ZNF143: variants seen among roughly 807,000 people sequenced by gnomAD.
The protein encoded by ZNF143 is SPH-binding factor.
A neutral mutation model predicts 74.1 loss-of-function variants in ZNF143; 49 were observed. That is an observed-to-expected ratio of 0.66 (90% CI 0.53 to 0.84). The LOEUF is 0.84. Among genes scored for constraint, ZNF143 ranks in the 40% least tolerant of loss-of-function variants. The pLI is 0.00. For missense variants in ZNF143, 637 were observed against 793.4 expected (o/e 0.80, Z 2.37); for synonymous variants, 304 against 282.8 (o/e 1.07, Z -0.75).
intron 10 of ZNF143, among the ~76,000 whole-genome samples, chr11:9,500,582 C>T (rs1456756288): frequency 1.3e-5 from 2 of 151,900 alleles, no homozygotes; most frequent in African/African-American, 2.4e-5. Context: ...TACAGGCGCC[C>T]GGCACCATGC....
intron 1 of ZNF143, among the ~76,000 whole-genome samples, chr11:9,465,559 G>A (rs190832085): frequency 1.4e-3 from 215 of 151,750 alleles, no homozygotes; most frequent in African/African-American, 4.6e-3. Flanking sequence ...GAGTGCAGTG[G>A]CGTGATCTCG....
chr11:9,496,642 G>A (rs1847968087), intron 9 of ZNF143, among the ~76,000 whole-genome samples: 1 of 151,544 alleles, frequency 6.6e-6, no homozygotes, highest in Non-Finnish European at 1.5e-5. Context: ...TGTCACTCAG[G>A]TTTGGGTGCA....
chr11:9,486,576 C>T (rs1319523967), intron 7 of ZNF143, among the ~76,000 whole-genome samples: 2 of 139,186 alleles, frequency 1.4e-5, no homozygotes, highest in African/African-American at 5.6e-5. Context: ...GTGTGTTTTA[C>T]ACAGTAGAAT....
intron 13 of ZNF143, among the ~76,000 whole-genome samples, chr11:9,515,887 A>T (rs193124243): frequency 6.6e-6 from 1 of 151,872 alleles, no homozygotes; most frequent in East Asian, 1.9e-4. Context: ...TAAGAGGATG[A>T]GGCTAGAGGA....
chr11:9,486,355 T>TATATATA lies in ZNF143; in HGVS notation c.645+6810_645+6816dup, dbSNP rs1251310663. On this transcript the variant is annotated intron_variant, in intron 7 of 15. Transcript: ENST00000396602. ...CGCTAATTATATTATATATATATTA[T>TATATATA]ATATATATTATATATAATATATTAT... 6.0e-4 allele frequency among the ~76,000 whole-genome samples: 31 copies of TATATATA among 52,086 alleles called. 3 individuals are homozygous for TATATATA. Among genetic ancestry groups the TATATATA allele is most frequent in the African/African-American group, 2.4e-3 (31 of 12,718 alleles). The allele number at this position is 52,086 out of a possible 152,430, so 34.2% of individuals were successfully genotyped here.
At chr11:9,472,807 T>G in intron 3 of ZNF143, 38 bp downstream of exon 3, 1 of 1,471,632 alleles carries the variant, frequency 6.8e-7, no homozygotes. Flanking sequence ...TTAATACCAG[T>G]GATTTATAAC....
intron 7 of ZNF143, among the ~76,000 whole-genome samples, chr11:9,488,353 A>T (rs1003997713): frequency 1.3e-5 from 2 of 152,192 alleles, no homozygotes; most frequent in African/African-American, 4.8e-5. Context: ...TTCATTGTCT[A>T]GGCTTGCTGT....
At chr11:9,500,764 T>C (rs1402293908) in intron 10 of ZNF143, among the ~76,000 whole-genome samples, 2 of 152,266 alleles carry the variant, frequency 1.3e-5, no homozygotes, top group African/African-American at 2.4e-5. Flanking sequence ...ATTTAATTCA[T>C]ATTCCTGACT....
Position 9,527,952 on chromosome 11 carries a change from GA to G in ZNF143, c.*348del, listed in dbSNP as rs200634584. On this transcript the variant is annotated 3_prime_UTR_variant, in exon 16 of 16. Transcript: ENST00000396602. Reference sequence around the variant, plus strand: ...TATGATGGATTTTTAACTTCCCGTGGAAAAAAAAATAAAGGCTGTATCTAAA... The same window carrying G: ...TATGATGGATTTTTAACTTCCCGTGGAAAAAAAATAAAGGCTGTATCTAAA... 23 of 163,404 alleles carry G rather than the reference GA, an allele frequency of 1.4e-4. No homozygotes were observed. Among genetic ancestry groups the G allele is most frequent in the East Asian group, 6.6e-4 (4 of 6,058 alleles). The allele number at this position is 163,404 out of a possible 1,614,324, so 10.1% of individuals were successfully genotyped here.
chr11:9,476,090 G>A lies in ZNF143; in HGVS notation c.373+1457G>A, dbSNP rs74655413. On this transcript the variant is annotated intron_variant, in intron 5 of 15. Transcript: ENST00000396602. Reference sequence around the variant, plus strand: ...TTGTTTAAGGGAAGTTCAGGGGTTTGAGGTGGAATGTCTAGGAATGATGAG... The same window carrying A: ...TTGTTTAAGGGAAGTTCAGGGGTTTAAGGTGGAATGTCTAGGAATGATGAG... Among the ~76,000 whole-genome samples, 605 of 152,174 alleles carry A rather than the reference G, an allele frequency of 4.0e-3. 6 individuals carry two copies. The highest frequency in any genetic ancestry group is 0.014 in the African/African-American group (589 of 41,520).
chr11:9,495,745 A>C (rs1847936148), intron 8 of ZNF143, among the ~76,000 whole-genome samples: 1 of 152,228 alleles, frequency 6.6e-6, no homozygotes, highest in Non-Finnish European at 1.5e-5. Flanking sequence ...CTTACACGTA[A>C]AGTACTAAAA....
intron 7 of ZNF143, among the ~76,000 whole-genome samples, chr11:9,489,517 T>A (rs1847689575): frequency 6.6e-6 from 1 of 152,214 alleles, no homozygotes; most frequent in Non-Finnish European, 1.5e-5. Flanking sequence ...GAATTCAACA[T>A]TGTTTCGTTG....
At position 9,473,683 on chromosome 11, in the gene ZNF143, C is replaced by A; in HGVS notation, c.206-258C>A. 4 of 1,068,046 alleles carry A rather than the reference C, an allele frequency of 3.7e-6. No individual in the cohort carries two copies. The South Asian group carries it at 5.4e-5, about 14-fold the overall frequency. The allele number at this position is 1,068,046 out of a possible 1,614,324, so 66.2% of individuals were successfully genotyped here. A position where few individuals can be genotyped will look rare whatever the true frequency, so the allele number is the denominator to read the frequency against. ...TATAAAGCAGTCCAACTCATGTAGC[C>A]TGCTGTGATGAGCCACTCTTCCTCT... On this transcript the variant is annotated intron_variant, in intron 3 of 15. Transcript: ENST00000396602.
chr11:9,516,504 A>T (rs1243562175), intron 14 of ZNF143, 142 bp downstream of exon 14: 3 of 752,480 alleles, frequency 4.0e-6, no homozygotes, highest in East Asian at 5.7e-5. Flanking sequence ...CTTAACCCTC[A>T]GAGCCTGTTT....
At chr11:9,472,080 C>A (rs1166110280) in intron 2 of ZNF143, among the ~76,000 whole-genome samples, 2 of 151,420 alleles carry the variant, frequency 1.3e-5, no homozygotes, top group East Asian at 3.9e-4. Context: ...AGGCACCCAC[C>A]AGCGTGCCCA....
Position 9,525,508 on chromosome 11 carries a change from T to C in ZNF143, c.1833+122T>C, listed in dbSNP as rs761145211. On this transcript the variant is annotated intron_variant, in intron 15 of 15. Transcript: ENST00000396602. ...AAGGTGTAGAATAATCTCTATCACC[T>C]AGCCTACTTTAAGGAAATCGGTGTA... The C allele has an allele frequency of 1.9e-5, 24 of 1,293,344 alleles. No individual in the cohort carries two copies. In the Admixed American group the frequency reaches 3.2e-4, roughly 17 times the overall value. 80.1% of individuals were successfully genotyped at this position (1,293,344 alleles called of 1,614,324 possible).
intron 7 of ZNF143, among the ~76,000 whole-genome samples, chr11:9,480,710 AC>A (rs1268405689): frequency 6.6e-6 from 1 of 151,788 alleles, no homozygotes; most frequent in Non-Finnish European, 1.5e-5. Context: ...ACATGGTGAA[AC>A]CCTGCCTCTA....
At chr11:9,492,433 G>C (rs150025618) in intron 7 of ZNF143, among the ~76,000 whole-genome samples, 3 of 151,534 alleles carry the variant, frequency 2.0e-5, no homozygotes, top group African/African-American at 7.3e-5. Context: ...ATTTTTAGTA[G>C]AGACAGGGTT....
At chr11:9,484,205 G>GT (rs1847365056) in intron 7 of ZNF143, among the ~76,000 whole-genome samples, 1 of 150,314 alleles carries the variant, frequency 6.7e-6, no homozygotes, top group Admixed American at 6.6e-5. Flanking sequence ...TGTGGTTTTT[G>GT]TTTTTTGAGA....
Sources: gnomAD v4.1 joint callset for allele counts (sites outside exome capture counted in the v4.1 genomes callset) on GRCh38, gnomAD v4.1.1 for gene constraint, MANE v1.5 for transcripts, NCBI Gene and HGNC (gene_info 2026-07-23, HGNC 2026-07-21) for gene names.